Variants in PLPPR5 observed in about 807,000 individuals in gnomAD.
PLPPR5 encodes phospholipid phosphatase-related protein type 5.
PLPPR5 carries 16 observed loss-of-function variants against 33.9 expected under a neutral mutation model. The observed-to-expected ratio is 0.47, with a 90% confidence interval of 0.32 to 0.72. The LOEUF is 0.72. PLPPR5 is among the 30% of genes least tolerant of loss of function. The pLI, the probability that PLPPR5 is intolerant of heterozygous loss-of-function variation, is 0.03. For synonymous variants in PLPPR5, 163 were observed against 150.3 expected (o/e 1.08, Z -0.62); for missense variants, 301 against 406.7 (o/e 0.74, Z 2.23).
intron 5 of PLPPR5, among the ~76,000 whole-genome samples, chr1:98,900,111 A>C (rs937498109): frequency 7.9e-5 from 12 of 152,152 alleles, no homozygotes; most frequent in African/African-American, 2.9e-4. Context: ...GGCCATGAGG[A>C]AATTTCCTGA....
At chr1:98,959,347 C>A (rs1198205667) in intron 1 of PLPPR5, among the ~76,000 whole-genome samples, 1 of 152,168 alleles carries the variant, frequency 6.6e-6, no homozygotes, top group Non-Finnish European at 1.5e-5. Context: ...TGCGGAATTT[C>A]CGATTTGTGT....
chr1:98,972,212 C>T (rs1651686407), intron 1 of PLPPR5, among the ~76,000 whole-genome samples: 1 of 152,108 alleles, frequency 6.6e-6, no homozygotes, highest in Admixed American at 6.6e-5. Flanking sequence ...TTGTTTGTCA[C>T]ATTTCACAGC....
chr1:98,981,915 G>C (rs775435261), intron 1 of PLPPR5, among the ~76,000 whole-genome samples: 1 of 152,094 alleles, frequency 6.6e-6, no homozygotes, highest in Admixed American at 6.6e-5. Context: ...AATTGAAGTT[G>C]TAAGTGATTG....
At chr1:98,904,974 T>A (rs564365765) in intron 5 of PLPPR5, among the ~76,000 whole-genome samples, 156 of 152,280 alleles carry the variant, frequency 1.0e-3, no homozygotes, top group African/African-American at 3.5e-3. Context: ...CCAAATGACA[T>A]CTCATCAGTC....
intron 3 of PLPPR5, among the ~76,000 whole-genome samples, chr1:98,935,177 T>C (rs1032095885): frequency 1.3e-4 from 20 of 152,144 alleles, no homozygotes; most frequent in African/African-American, 4.8e-4. Flanking sequence ...TACAAGATAG[T>C]GACAGCAGAG....
At chr1:99,005,284 C>G (rs1402815405), upstream of PLPPR5, among the ~76,000 whole-genome samples, 2 of 152,128 alleles carry the variant, frequency 1.3e-5, no homozygotes, top group Admixed American at 6.5e-5. Context: ...ACGCGTCTTC[C>G]GAGCGCAAAG....
chr1:98,998,638 T>A (rs1410973022), intron 1 of PLPPR5, among the ~76,000 whole-genome samples: 1 of 152,092 alleles, frequency 6.6e-6, no homozygotes, highest in Non-Finnish European at 1.5e-5. Context: ...AATTAACATG[T>A]TAGGATAAAA....
chr1:98,964,973 A>ATTTTTTTT (rs566402306), intron 1 of PLPPR5, among the ~76,000 whole-genome samples: 1 of 121,446 alleles, frequency 8.2e-6, no homozygotes, highest in African/African-American at 3.1e-5. Flanking sequence ...TTAATTTTTG[A>ATTTTTTTT]TTTTTTTTTT....
intron 1 of PLPPR5, among the ~76,000 whole-genome samples, chr1:98,972,127 C>T (rs762117232): frequency 5.3e-5 from 8 of 152,040 alleles, no homozygotes; most frequent in Non-Finnish European, 1.2e-4. Flanking sequence ...AGGCAGGGAT[C>T]CTCATTTAGC....
chr1:98,982,964 C>A (rs1159431940), intron 1 of PLPPR5, among the ~76,000 whole-genome samples: 1 of 152,070 alleles, frequency 6.6e-6, no homozygotes, highest in Non-Finnish European at 1.5e-5. Context: ...TTAGTTTGTG[C>A]TGCGAGAGAG....
chr1:98,959,127 G>A (rs1244125096), intron 1 of PLPPR5, among the ~76,000 whole-genome samples: 1 of 152,128 alleles, frequency 6.6e-6, no homozygotes, highest in Non-Finnish European at 1.5e-5. Context: ...ACCAACTTCT[G>A]GCTTGTTCCT....
At chr1:99,004,929 C>A (rs1431165535), upstream of PLPPR5, 1 of 172,914 alleles carries the variant, frequency 5.8e-6, no homozygotes, top group Non-Finnish European at 1.2e-5. Context: ...CCGCAAGCGC[C>A]GCCCGCCCCG....
At chr1:98,970,657 A>G (rs1294020406) in intron 1 of PLPPR5, among the ~76,000 whole-genome samples, 2 of 151,870 alleles carry the variant, frequency 1.3e-5, no homozygotes, top group African/African-American at 4.8e-5. Context: ...CAACTCCCCT[A>G]TGAGGTTGAT....
chr1:98,907,163 G>A (rs1174343731), intron 5 of PLPPR5, among the ~76,000 whole-genome samples: 1 of 150,022 alleles, frequency 6.7e-6, no homozygotes, highest in Non-Finnish European at 1.5e-5. Flanking sequence ...GTGGAAAGAA[G>A]ATGCTATCTA....
chr1:98,947,955 G>A (rs1171086085), intron 3 of PLPPR5, among the ~76,000 whole-genome samples: 2 of 152,184 alleles, frequency 1.3e-5, no homozygotes, highest in South Asian at 2.1e-4. Flanking sequence ...ATTACATTAC[G>A]CCTAAGCAGG....
At chr1:98,938,476 A>G (rs1261588085) in intron 3 of PLPPR5, among the ~76,000 whole-genome samples, 1 of 148,782 alleles carries the variant, frequency 6.7e-6, no homozygotes, top group Non-Finnish European at 1.5e-5. Flanking sequence ...ATTTTAGTCG[A>G]TACATAAAAT....
chr1:98,897,861 A>T (rs896051873), intron 5 of PLPPR5, among the ~76,000 whole-genome samples: 2 of 152,130 alleles, frequency 1.3e-5, no homozygotes, highest in Admixed American at 1.3e-4. Context: ...ATTAAATGGG[A>T]TTATATACAC....
intron 1 of PLPPR5, among the ~76,000 whole-genome samples, chr1:99,001,671 G>GAGAT (rs1553173331): frequency 7.8e-5 from 8 of 102,190 alleles, no homozygotes; most frequent in African/African-American, 2.7e-4. Flanking sequence ...GAAAGTTAAA[G>GAGAT]ATATATATAT....
At chr1:98,932,100 A>C (rs1217477027) in intron 3 of PLPPR5, among the ~76,000 whole-genome samples, 1 of 152,222 alleles carries the variant, frequency 6.6e-6, no homozygotes, top group Non-Finnish European at 1.5e-5. Flanking sequence ...AGTGGCCAAC[A>C]GAAGTTTCTA....
Sources: allele counts gnomAD v4.1 joint callset (sites outside exome capture counted in the v4.1 genomes callset), GRCh38; gene constraint gnomAD v4.1.1; transcripts MANE v1.5; gene names NCBI Gene and HGNC (gene_info 2026-07-23, HGNC 2026-07-21).